The following TBC1D1 variants were observed in gnomAD, a reference collection of about 807,000 sequenced individuals.
The protein encoded by TBC1D1 is TBC1 domain family member 1, also known as TBC1 (tre-2/USP6, BUB2, cdc16) domain family, member 1.
A neutral mutation model predicts 125.6 loss-of-function variants in TBC1D1; 89 were observed. The ratio of observed to expected loss-of-function variants is 0.71; its 90% CI spans 0.60 to 0.85. The LOEUF (loss-of-function observed/expected upper bound fraction) is 0.85, where lower values mean the gene tolerates loss of function less well. TBC1D1 is among the 40% of genes least tolerant of loss of function. The pLI is 0.00. For missense variants in TBC1D1, 1,377 were observed against 1,469.2 expected (o/e 0.94, Z 1.03); for synonymous variants, 565 against 564.1 (o/e 1.00, Z -0.02).
At chr4:38,120,363 TAAAAAC>T (rs545330205) in intron 17 of TBC1D1, among the ~76,000 whole-genome samples, 30 of 152,332 alleles carry the variant, frequency 2.0e-4, no homozygotes, top group African/African-American at 6.5e-4. Flanking sequence ...TTTCAGTACT[TAAAAAC>T]AGAAAAGATA....
intron 11 of TBC1D1, among the ~76,000 whole-genome samples, chr4:38,050,877 T>G (rs767646713): frequency 1.4e-4 from 21 of 152,164 alleles, no homozygotes; most frequent in Middle Eastern, 3.4e-3. Context: ...TTGGAAAGAG[T>G]TCTTGGTTCT....
intron 2 of TBC1D1, among the ~76,000 whole-genome samples, chr4:37,945,352 A>G (rs940627934): frequency 6.6e-6 from 1 of 151,606 alleles, no homozygotes; most frequent in African/African-American, 2.4e-5. Context: ...ATCTCTACTG[A>G]AATCACAAAA....
intron 12 of TBC1D1, among the ~76,000 whole-genome samples, chr4:38,067,349 T>C (rs890747634): frequency 1.3e-5 from 2 of 152,250 alleles, no homozygotes; most frequent in Non-Finnish European, 2.9e-5. Context: ...TGCTGGAGAA[T>C]GTTCGATGAA....
intron 2 of TBC1D1, among the ~76,000 whole-genome samples, chr4:38,002,528 T>A (rs1739276911): frequency 1.3e-5 from 2 of 152,234 alleles, no homozygotes. Flanking sequence ...TCTTTCTCAT[T>A]ACTTAAAAAC....
intron 2 of TBC1D1, among the ~76,000 whole-genome samples, chr4:37,918,690 C>T (rs538788864): frequency 7.2e-5 from 11 of 152,218 alleles, no homozygotes; most frequent in South Asian, 4.1e-4. Context: ...TCAGGTGGCC[C>T]GCCTGCCTTG....
At chr4:37,955,241 C>T (rs1728704222) in intron 2 of TBC1D1, among the ~76,000 whole-genome samples, 1 of 152,044 alleles carries the variant, frequency 6.6e-6, no homozygotes, top group Non-Finnish European at 1.5e-5. Context: ...GAGCATGTAT[C>T]TCTCCCAGTT....
At chr4:38,129,158 C>A (rs1279308742) in intron 18 of TBC1D1, among the ~76,000 whole-genome samples, 1 of 152,136 alleles carries the variant, frequency 6.6e-6, no homozygotes, top group African/African-American at 2.4e-5. Context: ...AGCTGAGAAA[C>A]CCTGCTGTGG....
chr4:38,038,789 T>C (rs1423460117), intron 8 of TBC1D1, among the ~76,000 whole-genome samples: 1 of 151,970 alleles, frequency 6.6e-6, no homozygotes, highest in African/African-American at 2.4e-5. Flanking sequence ...CCACTAAAAA[T>C]ACAAAAATTA....
intron 11 of TBC1D1, 99 bp downstream of exon 13, chr4:38,053,324 A>C: frequency 9.6e-7 from 1 of 1,041,534 alleles, no homozygotes; most frequent in Non-Finnish European, 1.3e-6. Context: ...CCATTTAAAA[A>C]ATCATTTCAG....
intron 2 of TBC1D1, among the ~76,000 whole-genome samples, chr4:37,913,786 C>T (rs545115634): frequency 4.7e-5 from 7 of 149,788 alleles, no homozygotes; most frequent in Non-Finnish European, 8.9e-5. Context: ...TTCACCTGCA[C>T]TCCCTTGCCT....
intron 2 of TBC1D1, among the ~76,000 whole-genome samples, chr4:37,937,126 C>T (rs1724554878): frequency 6.6e-6 from 1 of 152,212 alleles, no homozygotes; most frequent in South Asian, 2.1e-4. Flanking sequence ...CTGTCCCTGG[C>T]ACTGTCACCA....
chr4:38,100,584 T>C (rs542382658), intron 14 of TBC1D1, among the ~76,000 whole-genome samples: 4 of 152,190 alleles, frequency 2.6e-5, no homozygotes, highest in Non-Finnish European at 5.9e-5. Context: ...AGTGAACACA[T>C]CTCTTTTGAG....
chr4:38,017,195 G>A (rs111534569), intron 3 of TBC1D1, among the ~76,000 whole-genome samples: 1 of 152,174 alleles, frequency 6.6e-6, no homozygotes, highest in African/African-American at 2.4e-5. Flanking sequence ...TTAAAAATAA[G>A]TAAGGACTAT....
intron 2 of TBC1D1, among the ~76,000 whole-genome samples, chr4:37,905,785 T>C (rs1717177004): frequency 6.6e-6 from 1 of 152,240 alleles, no homozygotes; most frequent in Non-Finnish European, 1.5e-5. Context: ...CAGTAGCCAT[T>C]GCTTAAATTT....
At chr4:38,008,052 T>C (rs1159696133) in intron 2 of TBC1D1, among the ~76,000 whole-genome samples, 1 of 152,260 alleles carries the variant, frequency 6.6e-6, no homozygotes, top group Non-Finnish European at 1.5e-5. Context: ...TTGAAAATAC[T>C]GGCCATTCCC....
At chr4:38,115,098 C>CTTTTTTTTTTTTTTTTTTTTTTTTTTTTT (rs56997021) in intron 15 of TBC1D1, among the ~76,000 whole-genome samples, 1 of 134,640 alleles carries the variant, frequency 7.4e-6, no homozygotes. Flanking sequence ...TTTCTTTTTT[C>CTTTTTTTTTTTTTTTTTTTTTTTTTTTTT]TTTTTTTTTT....
chr4:38,022,309 A>C (rs1744215024), intron 6 of TBC1D1, among the ~76,000 whole-genome samples: 1 of 152,250 alleles, frequency 6.6e-6, no homozygotes, highest in Non-Finnish European at 1.5e-5. Flanking sequence ...ATCTGCCAGG[A>C]AGTGTATTAG....
At chr4:38,057,470 G>C (rs1751938003) in intron 12 of TBC1D1, among the ~76,000 whole-genome samples, 1 of 152,152 alleles carries the variant, frequency 6.6e-6, no homozygotes, top group African/African-American at 2.4e-5. Flanking sequence ...CAGTGGCTCA[G>C]ATTCTTGCAA....
chr4:37,995,997 G>A lies in TBC1D1; in HGVS notation c.418-18512G>A. On this transcript the variant is annotated intron_variant, in intron 2 of 19. Transcript: ENST00000261439. The surrounding 1 kb of genome is among the most constrained non-coding windows in gnomAD (Gnocchi z 4.3). ...TGTTTCTACCTCATCCTTGGGTGGG[G>A]GTTCTGGGATGGGGATGTCCAGTGG... 1.9e-6 allele frequency: 1 copy of A among 530,046 alleles called. No individual in the cohort carries two copies. The highest frequency in any genetic ancestry group is 1.4e-5 in the South Asian group (1 of 70,890). 32.8% of individuals were successfully genotyped at this position (530,046 alleles called of 1,614,324 possible).
Sources: allele counts gnomAD v4.1 joint callset (sites outside exome capture counted in the v4.1 genomes callset), GRCh38; gene constraint gnomAD v4.1.1; non-coding constraint Gnocchi (gnomAD v3.1); transcripts MANE v1.5; gene names NCBI Gene and HGNC (gene_info 2026-07-23, HGNC 2026-07-21).